Variants in CWC27 observed in about 807,000 individuals in gnomAD.
CWC27 encodes spliceosome-associated protein CWC27 homolog.
In CWC27, 47 loss-of-function variants were observed where a neutral mutation model predicts 63.6. The observed-to-expected ratio is 0.74, with a 90% confidence interval of 0.58 to 0.94. The LOEUF is 0.94. CWC27 is among the 40% of genes least tolerant of loss of function. CWC27 has a pLI of 0.00. For synonymous variants in CWC27, 175 were observed against 179.8 expected, an observed-to-expected ratio of 0.97 and a Z score of 0.22; for missense variants, 495 against 554.3, an observed-to-expected ratio of 0.89 and a Z score of 1.07.
At chr5:65,009,199 G>A (rs1749902262) in intron 13 of CWC27, among the ~76,000 whole-genome samples, 1 of 152,194 alleles carries the variant, frequency 6.6e-6, no homozygotes, top group Non-Finnish European at 1.5e-5. Flanking sequence ...TTAACAACCA[G>A]TACTCAAGGA....
intron 11 of CWC27, among the ~76,000 whole-genome samples, chr5:64,902,404 GT>G (rs1747529788): frequency 6.6e-6 from 1 of 152,212 alleles, no homozygotes; most frequent in Admixed American, 6.5e-5. Flanking sequence ...CATGACTGTA[GT>G]GCAAAGTATG....
chr5:64,807,641 C>T (rs1744731488), intron 10 of CWC27: 13 of 1,535,832 alleles, frequency 8.5e-6, no homozygotes, highest in Non-Finnish European at 1.1e-5. Context: ...GGATACAGCT[C>T]AGCAGAATCA....
At chr5:64,788,601 T>C (rs1743964311) in intron 6 of CWC27, among the ~76,000 whole-genome samples, 1 of 151,974 alleles carries the variant, frequency 6.6e-6, no homozygotes, top group Non-Finnish European at 1.5e-5. Flanking sequence ...TTATTATTTT[T>C]CAGAAACCCC....
At chr5:64,978,272 G>A (rs958493180) in intron 13 of CWC27, among the ~76,000 whole-genome samples, 4 of 152,168 alleles carry the variant, frequency 2.6e-5, no homozygotes, top group Admixed American at 6.5e-5. Context: ...AAGGGCTGAG[G>A]GCATGATGAT....
At chr5:64,889,441 T>G (rs956438454) in intron 11 of CWC27, among the ~76,000 whole-genome samples, 2 of 152,194 alleles carry the variant, frequency 1.3e-5, no homozygotes, top group Non-Finnish European at 2.9e-5. Flanking sequence ...ATGGCACATT[T>G]TGAGATGAGA....
At chr5:64,888,157 G>T (rs1429262262) in intron 11 of CWC27, among the ~76,000 whole-genome samples, 1 of 151,718 alleles carries the variant, frequency 6.6e-6, no homozygotes, top group East Asian at 1.9e-4. Context: ...CAGAAAGTAA[G>T]AAAGTGCTCA....
intron 11 of CWC27, among the ~76,000 whole-genome samples, chr5:64,940,852 T>C (rs1290220490): frequency 7.0e-6 from 1 of 142,172 alleles, no homozygotes; most frequent in South Asian, 2.3e-4. Flanking sequence ...CTTTTTTTTT[T>C]TTTTTTTTTT....
intron 10 of CWC27, among the ~76,000 whole-genome samples, chr5:64,864,936 G>A (rs913981535): frequency 2.0e-5 from 3 of 151,996 alleles, no homozygotes; most frequent in Non-Finnish European, 4.4e-5. Context: ...CATATACAAT[G>A]CATTATTATT....
At chr5:64,983,200 A>T (rs6890514) in intron 13 of CWC27, among the ~76,000 whole-genome samples, 7,563 of 152,266 alleles carry the variant, frequency 0.05, 448 homozygotes, top group African/African-American at 0.14. Context: ...TATTAATAAT[A>T]TGTTATAAAC....
chr5:64,793,531 A>G (rs889174065), intron 7 of CWC27, among the ~76,000 whole-genome samples: 1 of 152,122 alleles, frequency 6.6e-6, no homozygotes, highest in African/African-American at 2.4e-5. Context: ...CTGTTCAAAT[A>G]CCTTGGTAAG....
chr5:64,809,255 A>G lies in CWC27; in HGVS notation c.938+4869A>G, dbSNP rs1199724903. On this transcript the variant is annotated intron_variant, in intron 10 of 13. Coordinates refer to ENST00000381070, the MANE Select transcript of CWC27 (RefSeq NM_005869.4). ...AAGATTCGATCAGGCTAATTAACGT[A>G]TTTATCCACTTCAGCAACTTACCTT... 3.3e-5 allele frequency among the ~76,000 whole-genome samples: 5 copies of G among 152,352 alleles called. No individual in the cohort carries two copies. The East Asian group carries it at 5.8e-4, about 18-fold the overall frequency.
At chr5:64,781,142 G>T (rs1225299540) in intron 2 of CWC27, among the ~76,000 whole-genome samples, 1 of 151,844 alleles carries the variant, frequency 6.6e-6, no homozygotes, top group Non-Finnish European at 1.5e-5. Flanking sequence ...TAGTATAGGA[G>T]GTCATATACA....
intron 7 of CWC27, among the ~76,000 whole-genome samples, chr5:64,797,803 A>G (rs1744333548): frequency 6.6e-6 from 1 of 152,222 alleles, no homozygotes; most frequent in Non-Finnish European, 1.5e-5. Context: ...TAACAATGAA[A>G]TTAACAATTG....
rs1322135558 is a variant in CWC27 at position 64,840,377 on chromosome 5, AAAAAAAAAAAAAAAAAAATATATATAT to A, written c.938+35993_938+36019del. 5.3e-3 allele frequency among the ~76,000 whole-genome samples: 347 copies of A among 65,800 alleles called. 3 individuals carry two copies. Among genetic ancestry groups the A allele is most frequent in the African/African-American group, 0.021 (320 of 15,336 alleles). 43.2% of individuals were successfully genotyped at this position (65,800 alleles called of 152,430 possible). ...CCTTTTTCATTAAAAAAAAAAAAAAAAAAAAAAAAAAAAAAAAATATATATATATATATATATATATATATATATATA... is the reference window on the plus strand; with the variant it reads ...CCTTTTTCATTAAAAAAAAAAAAAAAATATATATATATATATATATATATA... On this transcript the variant is annotated intron_variant, in intron 10 of 13. Transcript: ENST00000381070.
intron 11 of CWC27, among the ~76,000 whole-genome samples, chr5:64,966,995 T>C (rs184067381): frequency 1.1e-4 from 17 of 152,244 alleles, no homozygotes; most frequent in South Asian, 2.1e-4. Context: ...ATTGCACATA[T>C]CTTCTTTTTT....
At chr5:64,990,617 T>C (rs1749522169) in intron 13 of CWC27, among the ~76,000 whole-genome samples, 1 of 152,228 alleles carries the variant, frequency 6.6e-6, no homozygotes. Context: ...TTCTCTAATT[T>C]CCAGTATAGG....
chr5:64,848,332 T>C (rs1561433705), intron 10 of CWC27, among the ~76,000 whole-genome samples: 2 of 152,160 alleles, frequency 1.3e-5, no homozygotes, highest in Admixed American at 6.5e-5. Flanking sequence ...AGTAAGCAGA[T>C]TGAATTAGTA....
chr5:64,865,169 CTTTG>C (rs1427777268), intron 10 of CWC27, among the ~76,000 whole-genome samples: 10 of 150,878 alleles, frequency 6.6e-5, no homozygotes, highest in Non-Finnish European at 1.2e-4. Context: ...AAAAGTATTA[CTTTG>C]TTTGGCTGAA....
chr5:64,812,397 T>C (rs984949144), intron 10 of CWC27, among the ~76,000 whole-genome samples: 1 of 152,110 alleles, frequency 6.6e-6, no homozygotes, highest in Non-Finnish European at 1.5e-5. Context: ...TTCATTCTCT[T>C]TTGTCCCAAC....
Sources: gnomAD v4.1 joint callset for allele counts (sites outside exome capture counted in the v4.1 genomes callset) on GRCh38, gnomAD v4.1.1 for gene constraint, MANE v1.5 for transcripts, NCBI Gene and HGNC (gene_info 2026-07-23, HGNC 2026-07-21) for gene names.